The following PDE12 variants were observed in gnomAD, a reference collection of about 807,000 sequenced individuals.
The protein encoded by PDE12 is 2',5'-phosphodiesterase 12.
PDE12 carries 26 observed loss-of-function variants against 45.4 expected under a neutral mutation model. That is an observed-to-expected ratio of 0.57 (90% CI 0.42 to 0.79). The LOEUF (loss-of-function observed/expected upper bound fraction) is 0.79, where lower values mean the gene tolerates loss of function less well. Ranked by LOEUF, PDE12 falls within the 30% of genes least tolerant of loss-of-function variation. PDE12 has a pLI of 0.00. For synonymous variants in PDE12, 283 were observed against 323.9 expected (o/e 0.87, Z 1.36); for missense variants, 668 against 790.0 (o/e 0.85, Z 1.85).
the PDE12 span, among the ~76,000 whole-genome samples, chr3:57,572,877 C>T: frequency 6.6e-6 from 1 of 152,066 alleles, no homozygotes; most frequent in Non-Finnish European, 1.5e-5. Flanking sequence ...TAAAACTAAA[C>T]TCAAAGTAGA....
chr3:57,630,920 C>A, the PDE12 span: 4,249 of 1,613,482 alleles, frequency 2.6e-3, 88 homozygotes, highest in African/African-American at 0.049. Flanking sequence ...TGAATATATT[C>A]ATACCTTCCA....
chr3:57,646,446 G>T, the PDE12 span: 2 of 1,605,214 alleles, frequency 1.2e-6, no homozygotes, highest in East Asian at 4.5e-5. Context: ...CACCTGAAAG[G>T]TGATGCACAG....
At chr3:57,597,798 T>A in the PDE12 span, 3 of 152,398 alleles carry the variant, frequency 2.0e-5, no homozygotes, top group Admixed American at 6.5e-5. Context: ...CGATGGGTAT[T>A]CCCTGATGCC....
rs2069656164 is a variant in PDE12 at position 57,556,279 on chromosome 3, A to G, written c.-101A>G. On this transcript the variant is annotated 5_prime_UTR_variant, in exon 1 of 3. Coordinates refer to ENST00000311180, the MANE Select transcript of PDE12 (RefSeq NM_177966.7). The surrounding 1 kb of genome is among the most constrained non-coding windows in gnomAD (Gnocchi z 5.0). ...CTCTTCGCTAGCCGGAAGTCGCGAG[A>G]TCTGAATGAGTCAAAGCCGGCGGCC... 2.4e-6 allele frequency: 3 copies of G among 1,257,158 alleles called. No individual in the cohort carries two copies. Among genetic ancestry groups the G allele is most frequent in the Non-Finnish European group, 3.2e-6 (3 of 933,740 alleles). The allele number at this position is 1,257,158 out of a possible 1,614,324, so 77.9% of individuals were successfully genotyped here.
chr3:57,557,891 G>A (rs1246969562), intron 1 of PDE12, among the ~76,000 whole-genome samples: 1 of 152,174 alleles, frequency 6.6e-6, no homozygotes, highest in Non-Finnish European at 1.5e-5. Context: ...CTGCCATACT[G>A]CAGGTTGCCT....
chr3:57,557,777 A>G, intron 1 of PDE12, 90 bp downstream of exon 1: 1 of 1,150,032 alleles, frequency 8.7e-7, no homozygotes, highest in Non-Finnish European at 1.3e-6. Flanking sequence ...AAGTGCGATG[A>G]AAGTATCCAG....
At chr3:57,558,716 T>C (rs916965190) in intron 1 of PDE12, among the ~76,000 whole-genome samples, 2 of 149,372 alleles carry the variant, frequency 1.3e-5, no homozygotes, top group African/African-American at 4.9e-5. Context: ...GGTCTCGATC[T>C]CCTGACCTCG....
At chr3:57,611,845 A>G in the PDE12 span, among the ~76,000 whole-genome samples, 4 of 152,148 alleles carry the variant, frequency 2.6e-5, no homozygotes, top group Non-Finnish European at 4.4e-5. Context: ...CAAGGATCTA[A>G]AACTAGAAAT....
chr3:57,614,893 T>C, the PDE12 span, among the ~76,000 whole-genome samples: 1 of 151,274 alleles, frequency 6.6e-6, no homozygotes, highest in South Asian at 2.1e-4. Context: ...CTTGGGAGGC[T>C]GAGGCAGGAG....
chr3:57,597,426 G>C, the PDE12 span: 3 of 287,292 alleles, frequency 1.0e-5, no homozygotes, highest in Non-Finnish European at 2.0e-5. Context: ...GCAGCGGCCC[G>C]GCCCCTCCAA....
chr3:57,630,634 G>T, the PDE12 span: 30 of 1,537,346 alleles, frequency 2.0e-5, no homozygotes, highest in Non-Finnish European at 2.6e-5. Flanking sequence ...TTTTTAAAAA[G>T]AATAAGCTTA....
the PDE12 span, among the ~76,000 whole-genome samples, chr3:57,590,647 C>A: frequency 1.3e-5 from 2 of 151,494 alleles, no homozygotes; most frequent in African/African-American, 2.4e-5. Flanking sequence ...TTGAAATATA[C>A]CTTCATAATT....
chr3:57,573,649 C>T, the PDE12 span, among the ~76,000 whole-genome samples: 2 of 152,242 alleles, frequency 1.3e-5, no homozygotes, highest in African/African-American at 2.4e-5. Context: ...GGCGTGATCT[C>T]GGCTCACTAC....
the PDE12 span, chr3:57,630,428 C>A: frequency 6.3e-7 from 1 of 1,583,598 alleles, no homozygotes; most frequent in Non-Finnish European, 8.5e-7. Flanking sequence ...AACCTCTTCA[C>A]AAAGAGCTTC....
chr3:57,594,577 T>C, the PDE12 span, among the ~76,000 whole-genome samples: 1 of 152,234 alleles, frequency 6.6e-6, no homozygotes, highest in South Asian at 2.1e-4. Flanking sequence ...ACTTGAACTT[T>C]TGAAGAACAG....
At chr3:57,577,268 C>A in the PDE12 span, 1 of 1,497,538 alleles carries the variant, frequency 6.7e-7, no homozygotes, top group Non-Finnish European at 9.3e-7. Context: ...CCAGTTTAAT[C>A]CAGAAAAGCA....
At chr3:57,616,948 C>T in the PDE12 span, among the ~76,000 whole-genome samples, 8 of 152,198 alleles carry the variant, frequency 5.3e-5, no homozygotes, top group African/African-American at 1.9e-4. Context: ...TGCTTGAACC[C>T]GGGAAGCGGA....
At chr3:57,630,598 AG>A in the PDE12 span, 1 of 1,524,638 alleles carries the variant, frequency 6.6e-7, no homozygotes, top group Non-Finnish European at 8.8e-7. Context: ...TCCTAGTCAG[AG>A]AACCATGTCA....
chr3:57,580,638 C>T, the PDE12 span, among the ~76,000 whole-genome samples: 5 of 151,980 alleles, frequency 3.3e-5, no homozygotes, highest in South Asian at 2.1e-4. Flanking sequence ...AAGTGATCCT[C>T]GTATCATGGC....
Sources: gnomAD v4.1 joint callset for allele counts (sites outside exome capture counted in the v4.1 genomes callset) on GRCh38, gnomAD v4.1.1 for gene constraint, Gnocchi (gnomAD v3.1) non-coding constraint, MANE v1.5 for transcripts, NCBI Gene and HGNC (gene_info 2026-07-23, HGNC 2026-07-21) for gene names.